UBXN2B: variants seen among roughly 807,000 people sequenced by gnomAD.
UBXN2B encodes UBX domain-containing protein 2B.
In UBXN2B, 19 loss-of-function variants were observed where a neutral mutation model predicts 37.5. That is an observed-to-expected ratio of 0.51 (90% CI 0.35 to 0.74). The LOEUF (loss-of-function observed/expected upper bound fraction) is 0.74, where lower values mean the gene tolerates loss of function less well. Ranked by LOEUF, UBXN2B falls within the 30% of genes least tolerant of loss-of-function variation. UBXN2B has a pLI of 0.01. For synonymous variants in UBXN2B, 145 were observed against 143.8 expected (o/e 1.01, Z -0.06); for missense variants, 370 against 393.2 (o/e 0.94, Z 0.50).
rs753725039 is a variant in UBXN2B, at chr8:58,447,392, C to T, written c.837C>T (p.Ile279=). ...LIQRFNSTHR[I]LDVRNFIVQS... ...TATTTTTGTCTTATTTCTTCAGGAT[C>T]CTGGATGTCCGGAACTTTATTGTAC... Residue 279 remains isoleucine, a synonymous_variant, in exon 8 of 8, where the codon ATC becomes ATT. Coordinates refer to ENST00000399598, the MANE Select transcript of UBXN2B (RefSeq NM_001077619.2). The T allele has an allele frequency of 1.3e-6, 2 of 1,586,586 alleles. No homozygotes were observed. Among genetic ancestry groups the T allele is most frequent in the East Asian group, 2.2e-5 (1 of 44,580 alleles).
In UBXN2B at chr8:58,450,914, A is replaced by T. The variant is rs114741977; in HGVS notation, c.*3363A>T. On this transcript the variant is annotated 3_prime_UTR_variant, in exon 8 of 8. Transcript: ENST00000399598. ...AGAGAAGTTTTCTCAGTGCCGTAAT[A>T]TAGAGGAATTCTCAAAATAAGCCCT... 6.6e-6 allele frequency: 1 copy of T among 152,424 alleles called. No homozygotes were observed. Among genetic ancestry groups the T allele is most frequent in the Admixed American group, 6.5e-5 (1 of 15,280 alleles). 9.4% of individuals were successfully genotyped at this position (152,424 alleles called of 1,614,324 possible).
At chr8:58,422,201 C>T (rs1563458073) in intron 2 of UBXN2B, among the ~76,000 whole-genome samples, 1 of 152,178 alleles carries the variant, frequency 6.6e-6, no homozygotes, top group Non-Finnish European at 1.5e-5. Flanking sequence ...TACCTTTAGG[C>T]CACACCCGTG....
At chr8:58,438,410 T>C (rs1253237630) in intron 5 of UBXN2B, among the ~76,000 whole-genome samples, 2 of 152,018 alleles carry the variant, frequency 1.3e-5, no homozygotes, top group African/African-American at 4.8e-5. Context: ...CTCCAACCCA[T>C]GAGAGAAGCC....
intron 2 of UBXN2B, among the ~76,000 whole-genome samples, chr8:58,423,441 GT>G (rs905141143): frequency 2.9e-3 from 428 of 146,856 alleles, no homozygotes; most frequent in African/African-American, 9.4e-3. Flanking sequence ...TTTTGTTGTT[GT>G]TTTTTTTTTT....
At chr8:58,432,375 CTTTTTTTTTTTTTTTTTTT>C (rs34018318) in intron 3 of UBXN2B, among the ~76,000 whole-genome samples, 2 of 81,506 alleles carry the variant, frequency 2.5e-5, no homozygotes, top group African/African-American at 5.2e-5. Flanking sequence ...TTCTAAATTT[CTTTTTTTTTTTTTTTTTTT>C]TTTTTTGAGA....
rs3080297 is a variant in UBXN2B, at chr8:58,434,369, A to AT, written c.424-14dup. The AT allele has an allele frequency of 8.1e-3, 2,474 of 303,736 alleles. 4 individuals are homozygous for AT. Among genetic ancestry groups the AT allele is most frequent in the East Asian group, 0.018 (170 of 9,496 alleles). 18.8% of individuals were successfully genotyped at this position (303,736 alleles called of 1,614,324 possible). ...TGTGAATATATATATATATATATATATTTTTTTTTTTTCTATACCCAAAAG... is the reference window on the plus strand; with the variant it reads ...TGTGAATATATATATATATATATATATTTTTTTTTTTTTCTATACCCAAAAG... On this transcript the variant is annotated intron_variant, in intron 4 of 7. Coordinates refer to ENST00000399598, the MANE Select transcript of UBXN2B (RefSeq NM_001077619.2).
At chr8:58,428,770 G>C (rs1782575658) in intron 2 of UBXN2B, among the ~76,000 whole-genome samples, 1 of 152,208 alleles carries the variant, frequency 6.6e-6, no homozygotes, top group South Asian at 2.1e-4. Context: ...AGCTGCAATG[G>C]TTAAGAGAGT....
intron 5 of UBXN2B, among the ~76,000 whole-genome samples, chr8:58,437,471 G>A (rs575672791): frequency 3.6e-4 from 55 of 151,932 alleles, no homozygotes; most frequent in Admixed American, 1.2e-3. Context: ...GGAATTACAG[G>A]TGCTCACCAC....
chr8:58,417,912 C>T (rs1807825833), intron 2 of UBXN2B, among the ~76,000 whole-genome samples: 1 of 152,132 alleles, frequency 6.6e-6, no homozygotes, highest in Admixed American at 6.5e-5. Flanking sequence ...AGAAGAAGCA[C>T]ACACTTGCAA....
At chr8:58,445,424 C>T (rs1324202047) in intron 6 of UBXN2B, among the ~76,000 whole-genome samples, 1 of 152,192 alleles carries the variant, frequency 6.6e-6, no homozygotes, top group Non-Finnish European at 1.5e-5. Flanking sequence ...TTCACAATAG[C>T]TGGCACCCGT....
In UBXN2B at chr8:58,424,552, A is replaced by G. The variant is rs1808022650; in HGVS notation, c.189-5967A>G. The G allele has an allele frequency of 1.1e-5, 10 of 907,856 alleles. No individual in the cohort carries two copies. The South Asian group carries it at 1.3e-4, about 12-fold the overall frequency. 56.2% of individuals were successfully genotyped at this position (907,856 alleles called of 1,614,324 possible). ...TCTTTTTAGGGAGAGAGTGAAGTCC[A>G]CATCTATTTTTGTGCTGAAGTTTTG... On this transcript the variant is annotated intron_variant, in intron 2 of 7. Transcript: ENST00000399598.
intron 1 of UBXN2B, among the ~76,000 whole-genome samples, chr8:58,412,360 G>A (rs1452246572): frequency 6.6e-6 from 1 of 152,184 alleles, no homozygotes; most frequent in Non-Finnish European, 1.5e-5. Context: ...CTCTATTGAT[G>A]GGTAGGTATG....
chr8:58,422,023 C>A (rs138772147), intron 2 of UBXN2B, among the ~76,000 whole-genome samples: 1 of 152,144 alleles, frequency 6.6e-6, no homozygotes, highest in Non-Finnish European at 1.5e-5. Context: ...GACTTTACCC[C>A]CAAAGTCAAG....
chr8:58,425,248 T>C (rs1808050398), intron 2 of UBXN2B: 2 of 1,109,400 alleles, frequency 1.8e-6, no homozygotes, highest in Admixed American at 1.7e-5. Context: ...TTTTAGAGCA[T>C]ACTCATCAGG....
intron 6 of UBXN2B, among the ~76,000 whole-genome samples, chr8:58,440,657 T>C (rs971513233): frequency 6.6e-5 from 10 of 152,252 alleles, no homozygotes; most frequent in Non-Finnish European, 1.2e-4. Flanking sequence ...ATTGGCAATG[T>C]TTCCAGTGTA....
rs749773019 is a variant in UBXN2B at position 58,425,463 on chromosome 8, A to G, written c.189-5056A>G. The stretch of plus-strand genomic sequence containing the variant: ...GCATGATGATATTTGCATTGATGTC[A>G]TCTGAAACAGGCTCGTTGGGATCAC... On this transcript the variant is annotated intron_variant, in intron 2 of 7. Coordinates refer to ENST00000399598, the MANE Select transcript of UBXN2B (RefSeq NM_001077619.2). The G allele has an allele frequency of 3.5e-6, 4 of 1,131,884 alleles. No individual in the cohort carries two copies. In the South Asian group the frequency reaches 3.7e-5, roughly 10 times the overall value. 70.1% of individuals were successfully genotyped at this position (1,131,884 alleles called of 1,614,324 possible).
In UBXN2B at chr8:58,447,999, G is replaced by C. The variant is rs1308403477; in HGVS notation, c.*448G>C. On this transcript the variant is annotated 3_prime_UTR_variant, in exon 8 of 8. Transcript: ENST00000399598. ...TAATATATACTGAAACGTGTCTTTT[G>C]ATTTTGAAATTGTTTGATCATACAA... is the stretch of plus-strand genomic sequence containing the variant. 1 of 152,358 alleles carries C rather than the reference G, an allele frequency of 6.6e-6. No individual in the cohort carries two copies. The highest frequency in any genetic ancestry group is 2.4e-5 in the African/African-American group (1 of 41,400). The allele number at this position is 152,358 out of a possible 1,614,324, so 9.4% of individuals were successfully genotyped here. A position where few individuals can be genotyped will look rare whatever the true frequency, so the allele number is the denominator to read the frequency against.
intron 2 of UBXN2B, among the ~76,000 whole-genome samples, chr8:58,417,389 C>T (rs1194140660): frequency 1.3e-5 from 2 of 152,164 alleles, no homozygotes; most frequent in Admixed American, 6.5e-5. Context: ...TGAAGCCACT[C>T]CATGGAGCCT....
chr8:58,430,112 C>T (rs1371374668), intron 2 of UBXN2B, among the ~76,000 whole-genome samples: 1 of 152,168 alleles, frequency 6.6e-6, no homozygotes, highest in Non-Finnish European at 1.5e-5. Context: ...CTAAAGATCT[C>T]GTCACTAACT....
Sources: gnomAD v4.1 joint callset for allele counts (sites outside exome capture counted in the v4.1 genomes callset) on GRCh38, gnomAD v4.1.1 for gene constraint, MANE v1.5 for transcripts, NCBI Gene and HGNC (gene_info 2026-07-23, HGNC 2026-07-21) for gene names.